The following NTM variants were observed in gnomAD, a reference collection of about 807,000 sequenced individuals.
NTM encodes neurotrimin.
A neutral mutation model predicts 42.1 loss-of-function variants in NTM; 13 were observed. The ratio of observed to expected loss-of-function variants is 0.31; its 90% CI spans 0.20 to 0.49. The LOEUF is 0.49. Among genes scored for constraint, NTM ranks in the 20% least tolerant of loss-of-function variants. NTM has a pLI of 0.99. For missense variants in NTM, 373 were observed against 452.8 expected, an observed-to-expected ratio of 0.82 and a Z score of 1.60; for synonymous variants, 187 against 179.2, an observed-to-expected ratio of 1.04 and a Z score of -0.35.
intron 3 of NTM, among the ~76,000 whole-genome samples, chr11:132,203,688 G>A (rs536853194): frequency 3.5e-4 from 53 of 152,152 alleles, no homozygotes; most frequent in Admixed American, 1.4e-3. Flanking sequence ...TCAGGAGATC[G>A]AGACCATCCT....
intron 2 of NTM, among the ~76,000 whole-genome samples, chr11:132,008,659 C>G (rs906849244): frequency 1.3e-5 from 2 of 151,862 alleles, no homozygotes; most frequent in Admixed American, 6.6e-5. Context: ...CTCCCCATTT[C>G]CCCCTGAAAA....
chr11:131,400,979 CCACACACA>C lies in NTM; in HGVS notation c.82+30116_82+30123del, dbSNP rs56256717. Among the ~76,000 whole-genome samples the C allele has an allele frequency of 1.6e-3, 225 of 141,254 alleles. 1 individual carries two copies. Among genetic ancestry groups the C allele is most frequent in the South Asian group, 1.4e-3 (6 of 4,218 alleles). The allele number at this position is 141,254 out of a possible 152,430, so 92.7% of individuals were successfully genotyped here. ...CCTTCCCTGCCACCCCTGCCACCTG[CCACACACA>C]CACACACACACACACACACACACAG... On this transcript the variant is annotated intron_variant, in intron 1 of 8. Transcript: ENST00000683400.
intron 1 of NTM, among the ~76,000 whole-genome samples, chr11:131,610,036 T>G (rs2061343676): frequency 1.3e-5 from 2 of 152,222 alleles, no homozygotes. Flanking sequence ...AGCAGCATCT[T>G]GTGGAAAACA....
In NTM at chr11:131,888,943, C is replaced by A. The variant is rs185319169; in HGVS notation, c.83-22621C>A. The stretch of plus-strand genomic sequence containing the variant: ...TTTTTATTTTACCAGTGACAAGGAC[C>A]GTGGACATAATTTGTACCTTCGGTG... On this transcript the variant is annotated intron_variant, in intron 1 of 8. Coordinates refer to ENST00000683400, the MANE Select transcript of NTM (RefSeq NM_001352005.2). 3.3e-5 allele frequency among the ~76,000 whole-genome samples: 5 copies of A among 151,294 alleles called. No homozygotes were observed. The South Asian group carries it at 1.0e-3, about 32-fold the overall frequency.
chr11:131,818,411 G>A (rs1438940602), intron 1 of NTM, among the ~76,000 whole-genome samples: 1 of 152,124 alleles, frequency 6.6e-6, no homozygotes, highest in African/African-American at 2.4e-5. Context: ...CTGGAAGAGG[G>A]ACTATATCCC....
chr11:131,870,023 C>G (rs1273524052), intron 1 of NTM, among the ~76,000 whole-genome samples: 1 of 152,218 alleles, frequency 6.6e-6, no homozygotes, highest in Non-Finnish European at 1.5e-5. Context: ...AAAACAGACA[C>G]AGGAAGTTTA....
At chr11:132,125,395 G>A (rs1487596918) in intron 2 of NTM, among the ~76,000 whole-genome samples, 1 of 148,700 alleles carries the variant, frequency 6.7e-6, no homozygotes, top group Non-Finnish European at 1.5e-5. Flanking sequence ...TATGTGGTAT[G>A]TGGTATGTAG....
At chr11:132,113,933 T>C (rs2063549329) in intron 2 of NTM, among the ~76,000 whole-genome samples, 1 of 152,160 alleles carries the variant, frequency 6.6e-6, no homozygotes, top group African/African-American at 2.4e-5. Context: ...ATTCCTCAGT[T>C]TACCCATGCT....
intron 1 of NTM, chr11:131,455,332 G>T (rs1248245220): frequency 6.6e-6 from 1 of 152,244 alleles, no homozygotes; most frequent in African/African-American, 2.4e-5. Flanking sequence ...CTCTCTGAAG[G>T]CTGCAGCCCC....
Position 132,146,554 on chromosome 11 carries a change from G to T in NTM, c.400+40G>T. On this transcript the variant is annotated intron_variant, in intron 3 of 8. Coordinates refer to ENST00000683400, the MANE Select transcript of NTM (RefSeq NM_001352005.2). The surrounding 1 kb of genome is among the most constrained non-coding windows in gnomAD (Gnocchi z 4.5). ...CTTGGCGGGGAGATCTGGCTGGCCA[G>T]CCTGGAAAGCCTTCAGGTAAAGGTT... 1.2e-6 allele frequency: 2 copies of T among 1,600,376 alleles called. No individual in the cohort carries two copies. Among genetic ancestry groups the T allele is most frequent in the Non-Finnish European group, 8.5e-7 (1 of 1,171,150 alleles).
At chr11:132,238,641 G>A (rs961267476) in intron 4 of NTM, among the ~76,000 whole-genome samples, 2 of 152,188 alleles carry the variant, frequency 1.3e-5, no homozygotes, top group African/African-American at 2.4e-5. Flanking sequence ...AGCAGCCTGC[G>A]TGTGGACTCG....
chr11:131,518,609 C>G (rs535388218), intron 1 of NTM, among the ~76,000 whole-genome samples: 30 of 152,188 alleles, frequency 2.0e-4, no homozygotes, highest in African/African-American at 6.5e-4. Context: ...AAAATTGATG[C>G]TGTGTGAATA....
At chr11:131,947,255 C>T (rs1009574956) in intron 2 of NTM, among the ~76,000 whole-genome samples, 2 of 152,176 alleles carry the variant, frequency 1.3e-5, no homozygotes, top group African/African-American at 4.8e-5. Context: ...TACCATGATG[C>T]CTTCTTACAT....
At chr11:131,704,003 G>A (rs968771781) in intron 1 of NTM, among the ~76,000 whole-genome samples, 10 of 152,108 alleles carry the variant, frequency 6.6e-5, no homozygotes, top group Non-Finnish European at 8.8e-5. Flanking sequence ...TTCAGCACCC[G>A]ATCAGCACTA....
At chr11:131,930,349 A>G (rs2058456818) in intron 2 of NTM, among the ~76,000 whole-genome samples, 1 of 152,090 alleles carries the variant, frequency 6.6e-6, no homozygotes, top group South Asian at 2.1e-4. Flanking sequence ...TCCTTCCTCC[A>G]TGCTTATTTT....
intron 1 of NTM, among the ~76,000 whole-genome samples, chr11:131,687,409 G>C (rs150451740): frequency 1.4e-3 from 213 of 152,306 alleles, no homozygotes; most frequent in African/African-American, 5.1e-3. Flanking sequence ...AATGAGGGCT[G>C]TAAGGTTTGC....
intron 2 of NTM, among the ~76,000 whole-genome samples, chr11:132,079,368 G>A (rs952149224): frequency 7.2e-5 from 11 of 152,176 alleles, no homozygotes; most frequent in Admixed American, 3.3e-4. Context: ...GGCAACCTGG[G>A]TTTGAATCCT....
At chr11:132,263,598 CT>C (rs199633542) in intron 4 of NTM, among the ~76,000 whole-genome samples, 2 of 151,354 alleles carry the variant, frequency 1.3e-5, no homozygotes, top group Admixed American at 6.6e-5. Context: ...GTTCTGGTTC[CT>C]TTTTTTTTCC....
At chr11:132,108,075 G>C (rs1009931039) in intron 2 of NTM, among the ~76,000 whole-genome samples, 2 of 152,116 alleles carry the variant, frequency 1.3e-5, no homozygotes, top group Non-Finnish European at 2.9e-5. Flanking sequence ...CACCTTCCAC[G>C]TTGTTGCTCA....
Sources: allele counts gnomAD v4.1 joint callset (sites outside exome capture counted in the v4.1 genomes callset), GRCh38; gene constraint gnomAD v4.1.1; non-coding constraint Gnocchi (gnomAD v3.1); transcripts MANE v1.5; gene names NCBI Gene and HGNC (gene_info 2026-07-23, HGNC 2026-07-21).